The following SNX27 variants were observed in gnomAD, a reference collection of about 807,000 sequenced individuals.
The protein encoded by SNX27 is sorting nexin-27.
In SNX27, 22 loss-of-function variants were observed where a neutral mutation model predicts 71.6. The ratio of observed to expected loss-of-function variants is 0.31; its 90% CI spans 0.22 to 0.44. SNX27 has a LOEUF of 0.44. Ranked by LOEUF, SNX27 falls within the 20% of genes least tolerant of loss-of-function variation. The pLI is 1.00. For missense variants in SNX27, 531 were observed against 698.6 expected (o/e 0.76, Z 2.70); for synonymous variants, 269 against 277.2 (o/e 0.97, Z 0.29).
At position 151,695,175 on chromosome 1, in the gene SNX27, G is replaced by T. The variant is rs1470487191; in HGVS notation, c.*758G>T. 6.6e-6 allele frequency: 1 copy of T among 152,536 alleles called. No individual in the cohort carries two copies. Among genetic ancestry groups the T allele is most frequent in the African/African-American group, 2.4e-5 (1 of 41,418 alleles). 9.4% of individuals were successfully genotyped at this position (152,536 alleles called of 1,614,324 possible). On this transcript the variant is annotated 3_prime_UTR_variant, in exon 12 of 12. Coordinates refer to ENST00000458013, the MANE Select transcript of SNX27 (RefSeq NM_001330723.2). ...AGAGGTGTGTTTCTCAAGGTTAACA[G>T]GCTGTAGTTCTGCAGGGAGAGCCTG...
intron 1 of SNX27, among the ~76,000 whole-genome samples, chr1:151,627,102 A>G (rs1388207378): frequency 6.6e-6 from 1 of 152,238 alleles, no homozygotes; most frequent in Non-Finnish European, 1.5e-5. Context: ...GTGTATATAC[A>G]TATCTATAAA....
chr1:151,612,858 A>G lies in SNX27; in HGVS notation c.311+346A>G, dbSNP rs1378383356. Among the ~76,000 whole-genome samples, 1 of 151,812 alleles carries G rather than the reference A, an allele frequency of 6.6e-6. No homozygotes were observed. The stretch of plus-strand genomic sequence containing the variant: ...CTCCTCACTCCCCCTCGTCTTGCTC[A>G]GAAGGAACCTCATCTGCTCCTTACT... On this transcript the variant is annotated intron_variant, in intron 1 of 11. Transcript: ENST00000458013. The surrounding 1 kb of genome is among the most constrained non-coding windows in gnomAD (Gnocchi z 5.2).
chr1:151,619,910 GTAAAGC>G (rs1399282065), intron 1 of SNX27, among the ~76,000 whole-genome samples: 4 of 152,188 alleles, frequency 2.6e-5, no homozygotes, highest in Non-Finnish European at 5.9e-5. Flanking sequence ...TTTGCTGTGT[GTAAAGC>G]TAAACGAGGT....
chr1:151,693,096 T>C, intron 10 of SNX27, 57 bp downstream of exon 10: 2 of 1,590,442 alleles, frequency 1.3e-6, no homozygotes, highest in East Asian at 2.2e-5. Flanking sequence ...GTTTTTTTTT[T>C]CAGCTAAATG....
chr1:151,638,849 C>T (rs750777758), intron 1 of SNX27, 39 bp from the exon 2 acceptor site: 4 of 1,601,862 alleles, frequency 2.5e-6, no homozygotes, highest in Middle Eastern at 1.7e-4. Flanking sequence ...TTGGACCCTT[C>T]TGGTTTATGG....
intron 7 of SNX27, among the ~76,000 whole-genome samples, chr1:151,673,732 A>G (rs1442992119): frequency 6.6e-6 from 1 of 152,204 alleles, no homozygotes; most frequent in Non-Finnish European, 1.5e-5. Context: ...TTGGGTGCAC[A>G]TATATTTAAA....
At chr1:151,629,361 G>A (rs1266751152) in intron 1 of SNX27, 7 of 151,740 alleles carry the variant, frequency 4.6e-5, no homozygotes, top group Non-Finnish European at 1.0e-4. Flanking sequence ...AAATTAGAAC[G>A]ATACAGAGAA....
intron 1 of SNX27, among the ~76,000 whole-genome samples, chr1:151,623,087 C>T (rs980592821): frequency 1.3e-4 from 19 of 151,258 alleles, no homozygotes; most frequent in Admixed American, 7.9e-4. Flanking sequence ...ATTATCCTGC[C>T]TCAGCCTCCC....
intron 6 of SNX27, among the ~76,000 whole-genome samples, chr1:151,667,847 A>G (rs1008519342): frequency 6.6e-6 from 1 of 151,586 alleles, no homozygotes; most frequent in Non-Finnish European, 1.5e-5. Flanking sequence ...AAAAAAAAAA[A>G]AAAAGATGTT....
intron 2 of SNX27, among the ~76,000 whole-genome samples, chr1:151,650,460 A>G (rs1347398002): frequency 6.6e-6 from 1 of 152,110 alleles, no homozygotes; most frequent in East Asian, 1.9e-4. Flanking sequence ...ATCAGCCAGT[A>G]TGTTTTCAGA....
intron 2 of SNX27, among the ~76,000 whole-genome samples, chr1:151,652,065 C>G (rs534913933): frequency 1.1e-3 from 172 of 152,258 alleles, no homozygotes; most frequent in Non-Finnish European, 1.8e-3. Context: ...GCGGCGCGAG[C>G]CTGCAATCGC....
At chr1:151,651,363 C>T (rs1424238657) in intron 2 of SNX27, among the ~76,000 whole-genome samples, 1 of 150,368 alleles carries the variant, frequency 6.7e-6, no homozygotes, top group Non-Finnish European at 1.5e-5. Context: ...GATGGGGCGG[C>T]TGGCCTGGCG....
chr1:151,613,334 C>A, intron 1 of SNX27: 1 of 153,068 alleles, frequency 6.5e-6, no homozygotes, highest in Non-Finnish European at 1.5e-5. Flanking sequence ...CATCCCTTCC[C>A]TGGCCTCCTG....
chr1:151,612,461 G>A lies in SNX27; in HGVS notation c.260G>A (p.Gly87Glu). Residue 87 changes from glycine to glutamate, a missense_variant, in exon 1 of 12, where the codon GGG becomes GAG. Around this residue, in one of 5 missense-constraint regions of SNX27, gnomAD observed 130 missense variants for 143.5 expected, o/e 0.91. Transcript: ENST00000458013. The surrounding 1 kb of genome is among the most constrained non-coding windows in gnomAD (Gnocchi z 5.2). ...CAGCATGTGAGCGCCGTGCTGCCCG[G>A]GGGGGCGGCCGATCGGGCCGGGGTG... ...PLQHVSAVLP[G>E]GAADRAGVRK... 7.0e-7 allele frequency: 1 copy of A among 1,427,376 alleles called. No homozygotes were observed. The highest frequency in any genetic ancestry group is 9.2e-7 in the Non-Finnish European group (1 of 1,092,074). The allele number at this position is 1,427,376 out of a possible 1,614,324, so 88.4% of individuals were successfully genotyped here. A position where few individuals can be genotyped will look rare whatever the true frequency, so the allele number is the denominator to read the frequency against.
intron 8 of SNX27, among the ~76,000 whole-genome samples, chr1:151,684,948 A>G (rs775097466): frequency 4.6e-5 from 7 of 152,042 alleles, no homozygotes; most frequent in African/African-American, 1.7e-4. Flanking sequence ...AGCTGGGACT[A>G]TAGGCACCCA....
At chr1:151,634,625 A>G (rs1262979314) in intron 1 of SNX27, among the ~76,000 whole-genome samples, 1 of 152,178 alleles carries the variant, frequency 6.6e-6, no homozygotes, top group Non-Finnish European at 1.5e-5. Flanking sequence ...TTTTATTAAA[A>G]TTATCGCGTG....
chr1:151,669,860 C>T (rs1318423924), intron 7 of SNX27, among the ~76,000 whole-genome samples: 1 of 151,968 alleles, frequency 6.6e-6, no homozygotes, highest in Non-Finnish European at 1.5e-5. Context: ...GGTATCCATC[C>T]CCTCAAACAT....
At chr1:151,666,160 T>A (rs900588761) in intron 6 of SNX27, 149 bp downstream of exon 6, 7 of 470,398 alleles carry the variant, frequency 1.5e-5, no homozygotes, top group Non-Finnish European at 2.6e-5. Context: ...TAAACTCAGG[T>A]CATAAGCATG....
chr1:151,681,122 T>G (rs1190084961), intron 7 of SNX27, among the ~76,000 whole-genome samples: 1 of 152,116 alleles, frequency 6.6e-6, no homozygotes, highest in Non-Finnish European at 1.5e-5. Context: ...TCTGTCATCT[T>G]TTTCTTGTAC....
Sources: gnomAD v4.1 joint callset for allele counts (sites outside exome capture counted in the v4.1 genomes callset) on GRCh38, gnomAD v4.1.1 for gene constraint, gnomAD v4.1.1 regional missense constraint, Gnocchi (gnomAD v3.1) non-coding constraint, MANE v1.5 for transcripts, NCBI Gene and HGNC (gene_info 2026-07-23, HGNC 2026-07-21) for gene names.